Variants in COMMD6 observed in about 807,000 individuals in gnomAD.
COMMD6 encodes COMM domain containing 6, also known as COMM domain-containing protein 6.
A neutral mutation model predicts 13.4 loss-of-function variants in COMMD6; 11 were observed. That is an observed-to-expected ratio of 0.82 (90% CI 0.52 to 1.36). The LOEUF is 1.36. Among genes scored for constraint, COMMD6 ranks in the 40% most tolerant of loss-of-function variants. The pLI is 0.00. For synonymous variants in COMMD6, 43 were observed against 36.5 expected, an observed-to-expected ratio of 1.18 and a Z score of -0.64; for missense variants, 124 against 102.4, an observed-to-expected ratio of 1.21 and a Z score of -0.91.
intron 2 of COMMD6, among the ~76,000 whole-genome samples, chr13:75,535,049 A>T (rs1224282967): frequency 6.6e-6 from 1 of 152,264 alleles, no homozygotes; most frequent in African/African-American, 2.4e-5. Flanking sequence ...AAGGTGACAG[A>T]GTGACAAGAA....
At chr13:75,540,839 A>G (rs555415430), upstream of COMMD6, among the ~76,000 whole-genome samples, 5 of 152,396 alleles carry the variant, frequency 3.3e-5, no homozygotes, top group African/African-American at 1.2e-4. Context: ...AGAAATCCAT[A>G]GAACTATGGC....
chr13:75,529,385 G>A (rs1166513224), intron 3 of COMMD6, among the ~76,000 whole-genome samples: 1 of 152,070 alleles, frequency 6.6e-6, no homozygotes, highest in African/African-American at 2.4e-5. Context: ...GCCAGGCATG[G>A]TGGTGGGCGC....
At chr13:75,542,170 G>T (rs1216192424), upstream of COMMD6, among the ~76,000 whole-genome samples, 2 of 152,166 alleles carry the variant, frequency 1.3e-5, no homozygotes, top group African/African-American at 4.8e-5. Context: ...TGGCCTTTGT[G>T]CAAGGTTGTG....
At chr13:75,530,898 G>C (rs1424086873) in intron 2 of COMMD6, among the ~76,000 whole-genome samples, 1 of 152,228 alleles carries the variant, frequency 6.6e-6, no homozygotes, top group Non-Finnish European at 1.5e-5. Flanking sequence ...ACTACTGGTT[G>C]TCTTAATACT....
upstream of COMMD6, among the ~76,000 whole-genome samples, chr13:75,543,309 T>C (rs1017833534): frequency 8.5e-5 from 13 of 152,054 alleles, 1 homozygote; most frequent in Admixed American, 6.6e-4. Flanking sequence ...AACCTATACA[T>C]GTATCCCCTT....
chr13:75,547,045 C>G (rs1481593419), intron 1 of COMMD6, among the ~76,000 whole-genome samples: 1 of 152,150 alleles, frequency 6.6e-6, no homozygotes, highest in Non-Finnish European at 1.5e-5. Context: ...GAACTACAGC[C>G]AACAGCACTG....
intron 2 of COMMD6, among the ~76,000 whole-genome samples, chr13:75,532,134 T>C (rs776080507): frequency 1.3e-5 from 2 of 152,172 alleles, no homozygotes; most frequent in Non-Finnish European, 2.9e-5. Context: ...TGGAGAGAAG[T>C]GGGCATTGAT....
At position 75,536,971 on chromosome 13, in the gene COMMD6, C is replaced by A. The variant is rs1566199822; in HGVS notation, c.54+693G>T. Among the ~76,000 whole-genome samples the A allele has an allele frequency of 3.3e-5, 5 of 152,310 alleles. No homozygotes were observed. In the East Asian group the frequency reaches 7.7e-4, roughly 23 times the overall value. ...ACTTCCCCTACTTCCCAGGAATCCT[C>A]GAAAGCAAGATCAGTTAGAGAAAAA... On this transcript the variant is annotated intron_variant, in intron 2 of 3. Transcript: ENST00000682242.
upstream of COMMD6, among the ~76,000 whole-genome samples, chr13:75,539,017 T>A (rs2030774816): frequency 6.6e-6 from 1 of 152,140 alleles, no homozygotes; most frequent in East Asian, 1.9e-4. Context: ...GCCATCTGCA[T>A]TCCTTGGCTT....
At chr13:75,545,315 C>T (rs962491044) in intron 1 of COMMD6, among the ~76,000 whole-genome samples, 15 of 152,196 alleles carry the variant, frequency 9.9e-5, no homozygotes, top group East Asian at 3.8e-4. Context: ...GGGGCCTGAA[C>T]GTGAAAGATT....
chr13:75,531,827 T>C (rs2030488648), intron 2 of COMMD6, among the ~76,000 whole-genome samples: 1 of 152,216 alleles, frequency 6.6e-6, no homozygotes, highest in Non-Finnish European at 1.5e-5. Context: ...AAGCTCTGCA[T>C]ACTGTGATCC....
chr13:75,538,845 G>A (rs948107905), upstream of COMMD6: 1 of 152,104 alleles, frequency 6.6e-6, no homozygotes, highest in Admixed American at 6.5e-5. Context: ...ACCGGTAAAC[G>A]GTCAGCAGGA....
intron 2 of COMMD6, among the ~76,000 whole-genome samples, chr13:75,534,356 C>G (rs866118749): frequency 6.6e-6 from 1 of 152,176 alleles, no homozygotes; most frequent in African/African-American, 2.4e-5. Context: ...GAGCTGCCAT[C>G]AAGACACTGT....
chr13:75,548,467 A>G (rs2030954182), intron 1 of COMMD6, among the ~76,000 whole-genome samples: 1 of 152,164 alleles, frequency 6.6e-6, no homozygotes, highest in South Asian at 2.1e-4. Flanking sequence ...AATTTCCTCT[A>G]TTAGGTGCAG....
intron 2 of COMMD6, among the ~76,000 whole-genome samples, chr13:75,531,082 T>C (rs1196763256): frequency 6.6e-6 from 1 of 152,230 alleles, no homozygotes; most frequent in Non-Finnish European, 1.5e-5. Context: ...CAAAAAGTAC[T>C]TGCTCACTGA....
chr13:75,532,615 A>C (rs887028761), intron 2 of COMMD6, among the ~76,000 whole-genome samples: 18 of 152,116 alleles, frequency 1.2e-4, no homozygotes, highest in African/African-American at 4.3e-4. Context: ...GCGGATCACG[A>C]GGTCAGGAGA....
Position 75,530,118 on chromosome 13 carries a change from A to C in COMMD6, c.203T>G (p.Phe68Cys). ...TGGATGAGTTAAATCACAAACCTGAAACTGTGGAATCGTCATTTCAAAGCA... is the reference window on the plus strand; with the variant it reads ...TGGATGAGTTAAATCACAAACCTGACACTGTGGAATCGTCATTTCAAAGCA... The part of the protein sequence containing the change: ...TKCFEMTIPQ[F>C]QNFYRQFKEI... The change falls in exon 3 of 4, where the codon TTT (phenylalanine) becomes TGT (cysteine). Residue 68 changes from phenylalanine to cysteine, a missense_variant. Phe to Cys is a radical substitution (Grantham distance 205). Coordinates refer to ENST00000682242, the MANE Select transcript of COMMD6 (RefSeq NM_203495.4). The C allele has an allele frequency of 6.2e-7, 1 of 1,611,592 alleles. No individual in the cohort carries two copies. The highest frequency in any genetic ancestry group is 2.2e-5 in the East Asian group (1 of 44,826).
At position 75,537,030 on chromosome 13, in the gene COMMD6, C is replaced by T. The variant is rs550271871; in HGVS notation, c.54+634G>A. 2.0e-5 allele frequency among the ~76,000 whole-genome samples: 3 copies of T among 152,294 alleles called. No homozygotes were observed. In the South Asian group the frequency reaches 6.2e-4, roughly 32 times the overall value. On this transcript the variant is annotated intron_variant, in intron 2 of 3. Transcript: ENST00000682242. ...AGCAGTCAATGGACACCTCTTTCAG[C>T]CCCTGTATTCTAATTATTTCTTACC...
At chr13:75,542,334 G>T, upstream of COMMD6, among the ~76,000 whole-genome samples, 2 of 146,316 alleles carry the variant, frequency 1.4e-5, no homozygotes, top group African/African-American at 2.5e-5. Flanking sequence ...TTGTTGCCCA[G>T]GCTGGAGTGC....
Sources: gnomAD v4.1 joint callset for allele counts (sites outside exome capture counted in the v4.1 genomes callset) on GRCh38, gnomAD v4.1.1 for gene constraint, MANE v1.5 for transcripts, NCBI Gene and HGNC (gene_info 2026-07-23, HGNC 2026-07-21) for gene names.